Variants in DAAM1 observed in about 807,000 individuals in gnomAD.
The protein encoded by DAAM1 is dishevelled associated activator of morphogenesis 1.
Under a neutral mutation model 130.0 loss-of-function variants are expected in DAAM1, and 52 were observed. The observed-to-expected ratio is 0.40, with a 90% CI of 0.32 to 0.50. The LOEUF is 0.50. Among genes scored for constraint, DAAM1 ranks in the 20% least tolerant of loss-of-function variants. The probability of loss-of-function intolerance (pLI) is 0.61; values close to 1 mark genes in which losing one functional copy is unlikely to be tolerated. For missense variants in DAAM1, 1,134 were observed against 1,303.8 expected, an observed-to-expected ratio of 0.87 and a Z score of 2.01; for synonymous variants, 452 against 444.5, an observed-to-expected ratio of 1.02 and a Z score of -0.21.
At chr14:59,200,634 A>C (rs1259740775) in intron 1 of DAAM1, among the ~76,000 whole-genome samples, 2 of 152,242 alleles carry the variant, frequency 1.3e-5, no homozygotes, top group Non-Finnish European at 2.9e-5. Context: ...CAACTAATGC[A>C]AAGATAATGC....
At chr14:59,325,040 C>G (rs143328196) in intron 8 of DAAM1, among the ~76,000 whole-genome samples, 46 of 152,304 alleles carry the variant, frequency 3.0e-4, no homozygotes, top group South Asian at 6.2e-4. Flanking sequence ...TCTGTGAACA[C>G]TCTTGCATCA....
At chr14:59,339,086 T>C (rs1482361997) in intron 15 of DAAM1, among the ~76,000 whole-genome samples, 2 of 152,208 alleles carry the variant, frequency 1.3e-5, no homozygotes, top group Admixed American at 6.5e-5. Flanking sequence ...GGAAAGTACG[T>C]AGAATTTTTA....
chr14:59,191,447 G>A (rs376466816), intron 1 of DAAM1, among the ~76,000 whole-genome samples: 1 of 151,994 alleles, frequency 6.6e-6, no homozygotes, highest in African/African-American at 2.4e-5. Context: ...TATGTTAAAC[G>A]AATATTAAGT....
chr14:59,217,746 G>A (rs181034292), intron 1 of DAAM1, among the ~76,000 whole-genome samples: 222 of 152,192 alleles, frequency 1.5e-3, no homozygotes, highest in African/African-American at 5.2e-3. Flanking sequence ...GCCAAGGCGG[G>A]CGGATCACAA....
chr14:59,211,427 C>T (rs1281268396), intron 1 of DAAM1, among the ~76,000 whole-genome samples: 2 of 152,146 alleles, frequency 1.3e-5, no homozygotes, highest in African/African-American at 4.8e-5. Context: ...TTGGGGGACA[C>T]GTTTGACCCA....
chr14:59,256,424 G>A (rs1396557738), intron 1 of DAAM1, among the ~76,000 whole-genome samples: 1 of 152,224 alleles, frequency 6.6e-6, no homozygotes, highest in African/African-American at 2.4e-5. Flanking sequence ...CTAGGCCACA[G>A]ATGGATTGGA....
chr14:59,264,145 G>A (rs1016823377), intron 2 of DAAM1: 3 of 184,086 alleles, frequency 1.6e-5, no homozygotes, highest in Non-Finnish European at 3.5e-5. Flanking sequence ...TATTACTTCA[G>A]TACAGCATCA....
chr14:59,210,360 T>A, intron 1 of DAAM1, among the ~76,000 whole-genome samples: 1 of 152,232 alleles, frequency 6.6e-6, no homozygotes, highest in Non-Finnish European at 1.5e-5. Context: ...CTTTCCTCCC[T>A]AGGTCATTTA....
chr14:59,334,057 A>T (rs1160199759), intron 15 of DAAM1, among the ~76,000 whole-genome samples: 1 of 152,228 alleles, frequency 6.6e-6, no homozygotes, highest in Non-Finnish European at 1.5e-5. Context: ...TTTCAATAGC[A>T]CTTCCTGGAG....
intron 1 of DAAM1, among the ~76,000 whole-genome samples, chr14:59,257,949 T>C (rs547768442): frequency 1.5e-4 from 23 of 152,188 alleles, no homozygotes; most frequent in Non-Finnish European, 3.1e-4. Flanking sequence ...GGAGAGGCCA[T>C]CCCTGATCAT....
chr14:59,274,670 A>G (rs1882876839), intron 2 of DAAM1, among the ~76,000 whole-genome samples: 1 of 152,202 alleles, frequency 6.6e-6, no homozygotes, highest in African/African-American at 2.4e-5. Context: ...GAGTGAATGT[A>G]TGCATGCATG....
intron 2 of DAAM1, among the ~76,000 whole-genome samples, chr14:59,274,817 T>C (rs2139529056): frequency 6.6e-6 from 1 of 152,326 alleles, no homozygotes; most frequent in Middle Eastern, 3.4e-3. Flanking sequence ...TACTCTTTCT[T>C]CTCATTAAAA....
At chr14:59,343,182 C>T (rs1282349992) in intron 16 of DAAM1, among the ~76,000 whole-genome samples, 1 of 152,144 alleles carries the variant, frequency 6.6e-6, no homozygotes, top group Non-Finnish European at 1.5e-5. Flanking sequence ...TCCATGGGAT[C>T]AGAACTGGTG....
chr14:59,230,635 G>T (rs888298186), intron 1 of DAAM1, among the ~76,000 whole-genome samples: 2 of 151,848 alleles, frequency 1.3e-5, no homozygotes, highest in African/African-American at 4.8e-5. Context: ...GAAAGTTAAT[G>T]GGTACAAAAA....
intron 20 of DAAM1, among the ~76,000 whole-genome samples, chr14:59,358,870 C>T (rs960330794): frequency 4.0e-5 from 6 of 151,506 alleles, no homozygotes; most frequent in Non-Finnish European, 5.9e-5. Flanking sequence ...TAATTGTCAT[C>T]AGTGAGTTGC....
intron 1 of DAAM1, among the ~76,000 whole-genome samples, chr14:59,234,083 C>G (rs905060620): frequency 6.6e-6 from 1 of 152,270 alleles, no homozygotes; most frequent in East Asian, 1.9e-4. Context: ...CAGCTTTGTT[C>G]TTCTTGCTTA....
At chr14:59,352,668 C>A in intron 18 of DAAM1, 36 bp downstream of exon 18, 1 of 1,537,044 alleles carries the variant, frequency 6.5e-7, no homozygotes, top group Non-Finnish European at 8.9e-7. Flanking sequence ...GAAGATGTCA[C>A]TTCCCTTTCT....
At chr14:59,325,610 C>T in intron 8 of DAAM1, 54 bp from the exon 9 acceptor site, 2 of 1,466,976 alleles carry the variant, frequency 1.4e-6, no homozygotes, top group East Asian at 2.3e-5. Flanking sequence ...CAGTCTTATG[C>T]ACCTGTGTTT....
chr14:59,252,486 C>T (rs1216498155), intron 1 of DAAM1, among the ~76,000 whole-genome samples: 1 of 152,284 alleles, frequency 6.6e-6, no homozygotes, highest in East Asian at 1.9e-4. Context: ...CTTTTCCCGT[C>T]CTGCTCCAGA....
Sources: gnomAD v4.1 joint callset for allele counts (sites outside exome capture counted in the v4.1 genomes callset) on GRCh38, gnomAD v4.1.1 for gene constraint, MANE v1.5 for transcripts, NCBI Gene and HGNC (gene_info 2026-07-23, HGNC 2026-07-21) for gene names.